Variants in ADAMTSL3 observed in about 807,000 individuals in gnomAD.
ADAMTSL3 encodes ADAMTS like 3.
In ADAMTSL3, 128 loss-of-function variants were observed where a neutral mutation model predicts 201.7. The ratio of observed to expected loss-of-function variants is 0.63; its 90% CI spans 0.55 to 0.73. ADAMTSL3 has a LOEUF of 0.73. ADAMTSL3 is among the 30% of genes least tolerant of loss of function. The pLI is 0.00. For synonymous variants in ADAMTSL3, 738 were observed against 748.4 expected, an observed-to-expected ratio of 0.99 and a Z score of 0.23; for missense variants, 1,990 against 2,119.6, an observed-to-expected ratio of 0.94 and a Z score of 1.20.
At chr15:83,970,171 C>T (rs1005281865) in intron 19 of ADAMTSL3, among the ~76,000 whole-genome samples, 10 of 149,928 alleles carry the variant, frequency 6.7e-5, no homozygotes, top group African/African-American at 1.2e-4. Context: ...AAAAATCCCA[C>T]GATAATAAAT....
intron 3 of ADAMTSL3, among the ~76,000 whole-genome samples, chr15:83,705,826 G>C (rs554933089): frequency 2.2e-4 from 34 of 152,294 alleles, no homozygotes; most frequent in Admixed American, 1.8e-3. Flanking sequence ...TGTGGGCAGG[G>C]AGCCACACTG....
chr15:83,809,284 G>A (rs2063655007), intron 5 of ADAMTSL3, among the ~76,000 whole-genome samples: 1 of 152,162 alleles, frequency 6.6e-6, no homozygotes, highest in Non-Finnish European at 1.5e-5. Context: ...CTAAGGAGTT[G>A]AAAGAAAACT....
intron 27 of ADAMTSL3, among the ~76,000 whole-genome samples, chr15:84,029,740 C>T (rs777925493): frequency 2.0e-5 from 3 of 152,194 alleles, no homozygotes; most frequent in Non-Finnish European, 1.5e-5. Context: ...CTCCAGGGCA[C>T]GTCAGTGGTC....
intron 19 of ADAMTSL3, among the ~76,000 whole-genome samples, chr15:83,946,731 A>G (rs1186598067): frequency 6.6e-6 from 1 of 152,202 alleles, no homozygotes; most frequent in Non-Finnish European, 1.5e-5. Context: ...TGTTGAGACA[A>G]AGAAGAAAAG....
chr15:83,885,525 G>A (rs986779852), intron 10 of ADAMTSL3, among the ~76,000 whole-genome samples: 3 of 151,892 alleles, frequency 2.0e-5, no homozygotes, highest in Non-Finnish European at 4.4e-5. Flanking sequence ...CTTAAAGTAC[G>A]TATTATTTTT....
intron 25 of ADAMTSL3, among the ~76,000 whole-genome samples, chr15:84,019,212 C>A (rs1384674880): frequency 6.6e-6 from 1 of 151,904 alleles, no homozygotes; most frequent in Non-Finnish European, 1.5e-5. Flanking sequence ...CAATTTCATA[C>A]CCAGTAGGGT....
chr15:83,803,865 G>A (rs1362032716), intron 4 of ADAMTSL3, among the ~76,000 whole-genome samples: 2 of 152,156 alleles, frequency 1.3e-5, no homozygotes, highest in East Asian at 1.9e-4. Context: ...AAAATAGACC[G>A]GCTGCAGTAG....
chr15:83,867,907 T>G (rs892461861), intron 8 of ADAMTSL3, among the ~76,000 whole-genome samples: 3 of 152,170 alleles, frequency 2.0e-5, no homozygotes, highest in African/African-American at 7.2e-5. Flanking sequence ...AAATAACTAG[T>G]AGTGGATTAA....
At chr15:83,689,539 C>T (rs569573578) in intron 2 of ADAMTSL3, among the ~76,000 whole-genome samples, 2 of 152,316 alleles carry the variant, frequency 1.3e-5, no homozygotes, top group Non-Finnish European at 2.9e-5. Flanking sequence ...AATTTCATCT[C>T]TGTTGACCTG....
chr15:83,781,058 A>G (rs1230099541), intron 4 of ADAMTSL3, among the ~76,000 whole-genome samples: 1 of 152,212 alleles, frequency 6.6e-6, no homozygotes, highest in Middle Eastern at 3.2e-3. Flanking sequence ...ATTCAATGCT[A>G]TTTCTATTCA....
intron 3 of ADAMTSL3, among the ~76,000 whole-genome samples, chr15:83,729,849 G>T (rs1280642927): frequency 2.6e-5 from 4 of 152,098 alleles, no homozygotes; most frequent in African/African-American, 9.6e-5. Flanking sequence ...TGAAGAGTTG[G>T]ATATTTATTG....
chr15:83,964,498 A>C (rs2067039165), intron 19 of ADAMTSL3, among the ~76,000 whole-genome samples: 1 of 152,116 alleles, frequency 6.6e-6, no homozygotes, highest in African/African-American at 2.4e-5. Context: ...GGAAAAAACA[A>C]AGCCTCCAAG....
At position 83,801,667 on chromosome 15, in the gene ADAMTSL3, T is replaced by A. The variant is rs867716677; in HGVS notation, c.318-2983T>A. ...ATAAATATAAATATATATATATATA[T>A]ATATATATATATATATATATATATA... On this transcript the variant is annotated intron_variant, in intron 4 of 29. Coordinates refer to ENST00000286744, the MANE Select transcript of ADAMTSL3 (RefSeq NM_207517.3). Among the ~76,000 whole-genome samples the A allele has an allele frequency of 2.8e-3, 171 of 61,548 alleles. 8 individuals are homozygous for A. Among genetic ancestry groups the A allele is most frequent in the African/African-American group, 7.8e-3 (160 of 20,410 alleles). The allele number at this position is 61,548 out of a possible 152,430, so 40.4% of individuals were successfully genotyped here.
chr15:83,791,338 T>C (rs2063341498), intron 4 of ADAMTSL3, among the ~76,000 whole-genome samples: 1 of 152,154 alleles, frequency 6.6e-6, no homozygotes, highest in Non-Finnish European at 1.5e-5. Flanking sequence ...CAAAATGTGC[T>C]ACAAAGCTGT....
intron 3 of ADAMTSL3, among the ~76,000 whole-genome samples, chr15:83,743,275 A>G (rs1430162724): frequency 5.3e-5 from 8 of 152,134 alleles, no homozygotes. Context: ...GCACTTTGGG[A>G]GGCCGAGGCG....
At chr15:83,761,581 A>G (rs2062809245) in intron 3 of ADAMTSL3, among the ~76,000 whole-genome samples, 1 of 152,106 alleles carries the variant, frequency 6.6e-6, no homozygotes, top group Non-Finnish European at 1.5e-5. Flanking sequence ...GTTGATCTGT[A>G]TTATCTAGCC....
intron 25 of ADAMTSL3, among the ~76,000 whole-genome samples, chr15:84,018,331 T>C (rs149855384): frequency 1.3e-4 from 20 of 152,374 alleles, no homozygotes; most frequent in East Asian, 1.2e-3. Context: ...ATTTAACAAA[T>C]ACTGCTTGCA....
At position 83,782,997 on chromosome 15, in the gene ADAMTSL3, CAT is replaced by C. The variant is rs1374196833; in HGVS notation, c.317+9354_317+9355del. ...TATATATATACATATTATATATACA[CAT>C]ATATATTATATATACATATATACGT... On this transcript the variant is annotated intron_variant, in intron 4 of 29. Coordinates refer to ENST00000286744, the MANE Select transcript of ADAMTSL3 (RefSeq NM_207517.3). Among the ~76,000 whole-genome samples, 9 of 146,720 alleles carry C rather than the reference CAT, an allele frequency of 6.1e-5. No individual in the cohort carries two copies. In the East Asian group the frequency reaches 7.8e-4, roughly 13 times the overall value.
chr15:83,919,282 CT>C (rs1410182484), intron 16 of ADAMTSL3, among the ~76,000 whole-genome samples: 1 of 152,038 alleles, frequency 6.6e-6, no homozygotes, highest in Non-Finnish European at 1.5e-5. Flanking sequence ...GGGTCTAGGA[CT>C]TAAGTCTTGA....
Sources: gnomAD v4.1 joint callset for allele counts (sites outside exome capture counted in the v4.1 genomes callset) on GRCh38, gnomAD v4.1.1 for gene constraint, MANE v1.5 for transcripts, NCBI Gene and HGNC (gene_info 2026-07-23, HGNC 2026-07-21) for gene names.